The following PDE1C variants were observed in gnomAD, a reference collection of about 807,000 sequenced individuals.
PDE1C encodes the protein phosphodiesterase 1C, also known as dual specificity calcium/calmodulin-dependent 3',5'-cyclic nucleotide phosphodiesterase 1C.
In PDE1C, 62 loss-of-function variants were observed where a neutral mutation model predicts 93.1. The ratio of observed to expected loss-of-function variants is 0.67; its 90% CI spans 0.54 to 0.82. The LOEUF (loss-of-function observed/expected upper bound fraction) is 0.82, where lower values mean the gene tolerates loss of function less well. PDE1C is among the 40% of genes least tolerant of loss of function. PDE1C has a pLI of 0.00. For synonymous variants in PDE1C, 325 were observed against 310.1 expected, an observed-to-expected ratio of 1.05 and a Z score of -0.50; for missense variants, 742 against 884.6, an observed-to-expected ratio of 0.84 and a Z score of 2.04.
intron 1 of PDE1C, among the ~76,000 whole-genome samples, chr7:32,403,975 C>T (rs1309808386): frequency 6.6e-6 from 1 of 151,964 alleles, no homozygotes; most frequent in Non-Finnish European, 1.5e-5. Context: ...CCCATGTTAC[C>T]ACCCTCAACA....
At chr7:32,404,450 C>T (rs1319840243) in intron 1 of PDE1C, among the ~76,000 whole-genome samples, 2 of 151,988 alleles carry the variant, frequency 1.3e-5, no homozygotes, top group Admixed American at 6.6e-5. Context: ...GCCTCCTAGG[C>T]TCAAGAGACC....
chr7:32,386,632 A>G (rs1289176458), intron 1 of PDE1C, among the ~76,000 whole-genome samples: 1 of 137,432 alleles, frequency 7.3e-6, no homozygotes, highest in African/African-American at 2.8e-5. Context: ...TAAATTCCTC[A>G]GAGGCATGTT....
intron 1 of PDE1C, among the ~76,000 whole-genome samples, chr7:32,284,155 G>T (rs577114725): frequency 6.6e-6 from 1 of 152,290 alleles, no homozygotes; most frequent in East Asian, 1.9e-4. Flanking sequence ...GGGCAAATAG[G>T]ACTGACTGCA....
chr7:32,364,330 A>G (rs1784189929), intron 1 of PDE1C, among the ~76,000 whole-genome samples: 1 of 152,222 alleles, frequency 6.6e-6, no homozygotes, highest in Non-Finnish European at 1.5e-5. Context: ...GACCAAGGCA[A>G]CAAATAAACA....
intron 1 of PDE1C, among the ~76,000 whole-genome samples, chr7:32,259,580 G>C (rs1055481185): frequency 2.0e-5 from 3 of 152,122 alleles, no homozygotes; most frequent in African/African-American, 4.8e-5. Context: ...TCCAGTTCTG[G>C]CTTAAAATCT....
intron 1 of PDE1C, among the ~76,000 whole-genome samples, chr7:32,226,158 T>G (rs946929293): frequency 2.0e-5 from 3 of 152,154 alleles, no homozygotes; most frequent in African/African-American, 4.8e-5. Context: ...GTGATGGAGC[T>G]CTGGTTTTAC....
At chr7:32,142,136 GAGA>G (rs1261060963) in intron 3 of PDE1C, among the ~76,000 whole-genome samples, 5 of 151,878 alleles carry the variant, frequency 3.3e-5, no homozygotes, top group Non-Finnish European at 5.9e-5. Flanking sequence ...AAAAGGAGAG[GAGA>G]AGAAGGAGAA....
intron 2 of PDE1C, among the ~76,000 whole-genome samples, chr7:31,900,453 A>G (rs1799830714): frequency 6.6e-6 from 1 of 151,616 alleles, no homozygotes; most frequent in Non-Finnish European, 1.5e-5. Flanking sequence ...CCTTTATTGA[A>G]AGTTGTGAAA....
At chr7:31,988,645 C>T (rs1416883803) in intron 2 of PDE1C, among the ~76,000 whole-genome samples, 7 of 152,178 alleles carry the variant, frequency 4.6e-5, no homozygotes, top group African/African-American at 1.7e-4. Context: ...CAGGCTTGAG[C>T]CCAGGAGTTC....
intron 2 of PDE1C, among the ~76,000 whole-genome samples, chr7:32,198,284 A>G (rs1012555530): frequency 6.6e-6 from 1 of 152,216 alleles, no homozygotes; most frequent in African/African-American, 2.4e-5. Context: ...ATATTATTCA[A>G]TTTGACTTCT....
At chr7:31,909,647 G>T (rs1175985869) in intron 2 of PDE1C, among the ~76,000 whole-genome samples, 1 of 152,028 alleles carries the variant, frequency 6.6e-6, no homozygotes, top group African/African-American at 2.4e-5. Flanking sequence ...ATTTGGCATT[G>T]GTTTGCCTTT....
At chr7:31,722,156 C>T in the PDE1C span, among the ~76,000 whole-genome samples, 1 of 152,200 alleles carries the variant, frequency 6.6e-6, no homozygotes, top group African/African-American at 2.4e-5. Context: ...GTGCTTCCAT[C>T]TCACCCCTGG....
intron 2 of PDE1C, among the ~76,000 whole-genome samples, chr7:32,027,738 C>A (rs1377656479): frequency 9.0e-6 from 1 of 110,756 alleles, no homozygotes; most frequent in African/African-American, 2.8e-5. Flanking sequence ...TTACAAATGA[C>A]TGCAAAAAAA....
Position 32,169,945 on chromosome 7 carries a change from G to A in PDE1C, c.148C>T (p.Gln50Ter). Residue 50 changes from glutamine to a stop codon, truncating the protein, a stop_gained, in exon 3 of 19, where the codon CAG becomes TAG. Transcript: ENST00000396193. LOFTEE classifies it high-confidence loss of function. Reference sequence around the variant, plus strand: ...ATGAGGGAGTTCCACAGACAGTTCTGTGACTTAGACCCTGAGGCATGGGGA... The same window carrying A: ...ATGAGGGAGTTCCACAGACAGTTCTATGACTTAGACCCTGAGGCATGGGGA... The A allele has an allele frequency of 1.2e-6, 2 of 1,612,406 alleles. No individual in the cohort carries two copies. The highest frequency in any genetic ancestry group is 1.7e-6 in the Non-Finnish European group (2 of 1,179,680).
rs764049622 is a variant in PDE1C, at chr7:32,169,918, C to T, written c.175G>A (p.Asp59Asn). ...TCCTTGACATTCCCTGTGAGCCCAT[C>T]GATGAGGGAGTTCCACAGACAGTTC... Residue 59 changes from aspartate to asparagine, a missense_variant, in exon 3 of 19, where the codon GAT becomes AAT. Coordinates refer to the PDE1C transcript ENST00000396193. 7.4e-6 allele frequency: 12 copies of T among 1,612,564 alleles called. 1 individual carries two copies. Among genetic ancestry groups the T allele is most frequent in the African/African-American group, 2.7e-5 (2 of 74,972 alleles).
In PDE1C at chr7:32,200,755, A is replaced by G. The variant is rs79250600; in HGVS notation, c.136+8734T>C. On this transcript the variant is annotated intron_variant, in intron 2 of 18. Transcript: ENST00000396193. ...AATCTAACTTTGCAAGTCACATCAT[A>G]TCATCTCTGCCACATTTACAGGCCA... Among the ~76,000 whole-genome samples, 627 of 152,284 alleles carry G rather than the reference A, an allele frequency of 4.1e-3. 5 individuals carry two copies. Among genetic ancestry groups the G allele is most frequent in the African/African-American group, 0.015 (610 of 41,554 alleles).
chr7:31,660,291 C>T, the PDE1C span, among the ~76,000 whole-genome samples: 1 of 152,156 alleles, frequency 6.6e-6, no homozygotes, highest in Admixed American at 6.5e-5. Flanking sequence ...TTTCTAAAAA[C>T]TGCTTTTCTG....
intron 16 of PDE1C, chr7:31,789,750 G>A (rs576578433): frequency 2.5e-5 from 25 of 986,034 alleles, no homozygotes; most frequent in East Asian, 2.3e-4. Context: ...TCATCTTTGC[G>A]GTGATGAATG....
At chr7:31,655,649 C>A in the PDE1C span, 1 of 738,236 alleles carries the variant, frequency 1.4e-6, no homozygotes, top group Non-Finnish European at 1.7e-6. Context: ...CTGCATCATC[C>A]CTTTTTGCCA....
Sources: gnomAD v4.1 joint callset for allele counts (sites outside exome capture counted in the v4.1 genomes callset) on GRCh38, gnomAD v4.1.1 for gene constraint, MANE v1.5 for transcripts, NCBI Gene and HGNC (gene_info 2026-07-23, HGNC 2026-07-21) for gene names.